The following BTG2 variants were observed in gnomAD, a reference collection of about 807,000 sequenced individuals.
BTG2 encodes the protein BTG anti-proliferation factor 2.
In BTG2, 9 loss-of-function variants were observed where a neutral mutation model predicts 13.1. The observed-to-expected ratio is 0.69, with a 90% confidence interval of 0.41 to 1.20. BTG2 has a LOEUF of 1.20. Among genes scored for constraint, BTG2 ranks in the 50% most tolerant of loss-of-function variants. The pLI is 0.00. For missense variants in BTG2, 200 were observed against 209.5 expected (o/e 0.95, Z 0.28); for synonymous variants, 92 against 88.6 (o/e 1.04, Z -0.21).
At chr1:203,306,723 T>G (rs2102285035) in intron 1 of BTG2, among the ~76,000 whole-genome samples, 1 of 151,940 alleles carries the variant, frequency 6.6e-6, no homozygotes, top group East Asian at 1.9e-4. Context: ...CACCCTTCCC[T>G]TGCTTTGGGG....
chr1:203,306,818 ACACTCT>A (rs891273534), intron 1 of BTG2, among the ~76,000 whole-genome samples: 14 of 132,116 alleles, frequency 1.1e-4, no homozygotes, highest in African/African-American at 2.4e-4. Context: ...ACACACACAC[ACACTCT>A]CTCTCTCACA....
chr1:203,306,488 C>T (rs531953523), intron 1 of BTG2, among the ~76,000 whole-genome samples: 59 of 152,150 alleles, frequency 3.9e-4, no homozygotes, highest in African/African-American at 1.2e-3. Flanking sequence ...CCACACAGAC[C>T]CTGCCTTCTG....
chr1:203,306,299 C>A (rs1558183488), intron 1 of BTG2, among the ~76,000 whole-genome samples: 1 of 152,292 alleles, frequency 6.6e-6, no homozygotes, highest in South Asian at 2.1e-4. Flanking sequence ...CCTTAGCCAT[C>A]TGCCACCTAT....
chr1:203,305,811 T>C (rs909629661), intron 1 of BTG2, 63 bp downstream of exon 1: 1 of 1,506,122 alleles, frequency 6.6e-7, no homozygotes, highest in Non-Finnish European at 8.8e-7. Flanking sequence ...CAGGGCCGTC[T>C]TTCTTCTACT....
intron 1 of BTG2, among the ~76,000 whole-genome samples, chr1:203,306,682 A>G (rs1658281418): frequency 6.6e-6 from 1 of 151,982 alleles, no homozygotes; most frequent in African/African-American, 2.4e-5. Context: ...AGGTCTCCAG[A>G]GGCCCTGCCT....
At chr1:203,306,848 TCACACACACACACA>T (rs56272333) in intron 1 of BTG2, among the ~76,000 whole-genome samples, 1 of 131,488 alleles carries the variant, frequency 7.6e-6, no homozygotes, top group South Asian at 2.4e-4. Context: ...ACACACTCAG[TCACACACACACACA>T]CACACACACA....
chr1:203,306,164 C>A (rs569524383), intron 1 of BTG2, among the ~76,000 whole-genome samples: 1 of 152,298 alleles, frequency 6.6e-6, no homozygotes, highest in African/African-American at 2.4e-5. Context: ...CGAGCCTTTT[C>A]AACAATTTGG....
intron 1 of BTG2, among the ~76,000 whole-genome samples, chr1:203,306,848 T>TCTCA (rs1210860139): frequency 3.8e-5 from 5 of 131,394 alleles, no homozygotes; most frequent in African/African-American, 1.7e-4. Flanking sequence ...ACACACTCAG[T>TCTCA]CACACACACA....
intron 1 of BTG2, among the ~76,000 whole-genome samples, chr1:203,306,237 C>T (rs765910927): frequency 6.6e-6 from 1 of 152,206 alleles, no homozygotes; most frequent in Admixed American, 6.5e-5. Flanking sequence ...CCACTGGTTG[C>T]TGACTGGCTT....
intron 1 of BTG2, among the ~76,000 whole-genome samples, chr1:203,306,212 TGTGCCTGGG>T (rs1196537406): frequency 6.6e-6 from 1 of 152,204 alleles, no homozygotes; most frequent in African/African-American, 2.4e-5. Context: ...CGGGGTGCGC[TGTGCCTGGG>T]GTAGTCCACT....
chr1:203,306,360 C>G (rs567384303), intron 1 of BTG2, among the ~76,000 whole-genome samples: 1 of 152,110 alleles, frequency 6.6e-6, no homozygotes, highest in African/African-American at 2.4e-5. Flanking sequence ...TGCGGGCCTT[C>G]AAGTTGGGAG....
chr1:203,306,121 C>A (rs529652002), intron 1 of BTG2, among the ~76,000 whole-genome samples: 1 of 152,166 alleles, frequency 6.6e-6, no homozygotes, highest in Admixed American at 6.5e-5. Flanking sequence ...GCCCGGTCGG[C>A]CGAGGGGTCC....
chr1:203,306,670 A>T (rs2102285000), intron 1 of BTG2, among the ~76,000 whole-genome samples: 1 of 152,114 alleles, frequency 6.6e-6, no homozygotes, highest in African/African-American at 2.4e-5. Flanking sequence ...ACTTCAGCTC[A>T]CAGGTCTCCA....
At position 203,305,638 on chromosome 1, in the gene BTG2, C is replaced by T. The variant is rs777565959; in HGVS notation, c.32C>T (p.Pro11Leu). Residue 11 changes from proline (P) to leucine (L), a missense_variant, in exon 1 of 2, where the codon CCG becomes CTG. Transcript: ENST00000290551. ...CACGGGAAGGGAACCGACATGCTCCCGGAGATCGCCGCCGCCGTGGGCTTC... is the reference window on the plus strand; with the variant it reads ...CACGGGAAGGGAACCGACATGCTCCTGGAGATCGCCGCCGCCGTGGGCTTC... MSHGKGTDML[P>L]EIAAAVGFLS... 1 of 1,591,144 alleles carries T rather than the reference C, an allele frequency of 6.3e-7. No homozygotes were observed. Among genetic ancestry groups the T allele is most frequent in the East Asian group, 2.3e-5 (1 of 43,216 alleles).
At position 203,307,426 on chromosome 1, in the gene BTG2, A is replaced by C. The variant is rs992554620; in HGVS notation, c.465A>C (p.Ala155=). 6.3e-7 allele frequency: 1 copy of C among 1,589,794 alleles called. No homozygotes were observed. The highest frequency in any genetic ancestry group is 8.6e-7 in the Non-Finnish European group (1 of 1,163,612). Residue 155 remains alanine, a synonymous_variant, in exon 2 of 2, where the codon GCA becomes GCC. Coordinates refer to ENST00000290551, the MANE Select transcript of BTG2 (RefSeq NM_006763.3). ...RSSPSKNYVM[A]VSS ...GCCCCTCCAAGAACTACGTGATGGCAGTCTCCAGCTAGGCCCTTCCGCCCC... is the reference window on the plus strand; with the variant it reads ...GCCCCTCCAAGAACTACGTGATGGCCGTCTCCAGCTAGGCCCTTCCGCCCC...
At chr1:203,305,826 CGGCAG>C (rs1658245936) in intron 1 of BTG2, 78 bp downstream of exon 1, 1 of 1,486,786 alleles carries the variant, frequency 6.7e-7, no homozygotes, top group African/African-American at 1.4e-5. Flanking sequence ...TCTACTCCTG[CGGCAG>C]GGTGACCCAC....
intron 1 of BTG2, among the ~76,000 whole-genome samples, chr1:203,306,068 A>G (rs1571500478): frequency 6.6e-6 from 1 of 150,576 alleles, no homozygotes; most frequent in East Asian, 2.0e-4. Context: ...CCCTCGCTGG[A>G]CCCTCGAGAT....
At position 203,307,484 on chromosome 1, in the gene BTG2, GACA is replaced by G. The variant is rs773541040; in HGVS notation, c.*50_*52del. 1 of 1,483,714 alleles carries G rather than the reference GACA, an allele frequency of 6.7e-7. No homozygotes were observed. The highest frequency in any genetic ancestry group is 2.0e-5 in the Admixed American group (1 of 49,552). 91.9% of individuals were successfully genotyped at this position (1,483,714 alleles called of 1,614,324 possible). On this transcript the variant is annotated 3_prime_UTR_variant, in exon 2 of 2. Coordinates refer to ENST00000290551, the MANE Select transcript of BTG2 (RefSeq NM_006763.3). Reference sequence around the variant, plus strand: ...GGCGCCGCCGTGCTCATGCTGCCGTGACAACAGGCCACCACATACCTCAACCTG... The same window carrying G: ...GGCGCCGCCGTGCTCATGCTGCCGTGACAGGCCACCACATACCTCAACCTG...
rs1313315239 is a variant in BTG2 at position 203,308,263 on chromosome 1, T to C, written c.*825T>C. 6.6e-6 allele frequency: 1 copy of C among 152,594 alleles called. No homozygotes were observed. Among genetic ancestry groups the C allele is most frequent in the East Asian group, 1.9e-4 (1 of 5,204 alleles). The allele number at this position is 152,594 out of a possible 1,614,324, so 9.5% of individuals were successfully genotyped here. ...CAATGAAATTTTGGGACCCAAAGAG[T>C]ATCCACTGGGGATGTTTTTTGGCCA... On this transcript the variant is annotated 3_prime_UTR_variant, in exon 2 of 2. Transcript: ENST00000290551.
Sources: allele counts gnomAD v4.1 joint callset (sites outside exome capture counted in the v4.1 genomes callset), GRCh38; gene constraint gnomAD v4.1.1; transcripts MANE v1.5; gene names NCBI Gene and HGNC (gene_info 2026-07-23, HGNC 2026-07-21).